The following NRG1 variants were observed in gnomAD, a reference collection of about 807,000 sequenced individuals.
NRG1 encodes neuregulin 1.
In NRG1, 18 loss-of-function variants were observed where a neutral mutation model predicts 63.8. That is an observed-to-expected ratio of 0.28 (90% confidence interval 0.19 to 0.42). The LOEUF (loss-of-function observed/expected upper bound fraction) is 0.42. NRG1 is among the 10% of genes least tolerant of loss of function. The probability of loss-of-function intolerance (pLI) is 1.00; values close to 1 mark genes in which losing one functional copy is unlikely to be tolerated. For synonymous variants in NRG1, 302 were observed against 301.3 expected, an observed-to-expected ratio of 1.00 and a Z score of -0.02; for missense variants, 762 against 814.7, an observed-to-expected ratio of 0.94 and a Z score of 0.79.
intron 1 of NRG1, among the ~76,000 whole-genome samples, chr8:32,412,421 TA>T (rs370265452): frequency 0.33 from 31,508 of 96,504 alleles, 5,107 homozygotes; most frequent in South Asian, 0.42. Context: ...TCTCTCTCTC[TA>T]CATATATATA....
At chr8:32,548,916 C>T (rs1833524294) in intron 1 of NRG1, 90 bp downstream of exon 1, 3 of 1,433,062 alleles carry the variant, frequency 2.1e-6, no homozygotes, top group African/African-American at 1.4e-5. Context: ...TCTCCCTCCC[C>T]CTCTCCCTCG....
intron 1 of NRG1, among the ~76,000 whole-genome samples, chr8:32,058,994 A>G (rs1336168868): frequency 1.3e-5 from 2 of 152,070 alleles, no homozygotes; most frequent in Non-Finnish European, 2.9e-5. Flanking sequence ...AAGTAGAACA[A>G]TAAACAGTAT....
intron 1 of NRG1, among the ~76,000 whole-genome samples, chr8:32,488,579 C>T (rs1826172402): frequency 6.6e-6 from 1 of 151,954 alleles, no homozygotes; most frequent in South Asian, 2.1e-4. Context: ...AGTCAGAGAC[C>T]AGCTTGGGCA....
intron 6 of NRG1, chr8:32,728,703 G>T (rs189570952): frequency 1.0e-6 from 1 of 955,582 alleles, no homozygotes; most frequent in Non-Finnish European, 1.2e-6. Context: ...TCTTTCATTT[G>T]TCTATAGATA....
intron 1 of NRG1, among the ~76,000 whole-genome samples, chr8:31,844,237 C>T (rs1826463719): frequency 6.6e-6 from 1 of 152,138 alleles, no homozygotes; most frequent in Non-Finnish European, 1.5e-5. Context: ...TGTTTTGAAA[C>T]CTGCCCATCC....
chr8:32,295,158 A>G (rs1011125347), intron 1 of NRG1, among the ~76,000 whole-genome samples: 1 of 152,132 alleles, frequency 6.6e-6, no homozygotes, highest in Non-Finnish European at 1.5e-5. Flanking sequence ...TTAAGACAAA[A>G]TTTTCAGCAA....
chr8:32,714,055 C>T (rs1199019259), intron 5 of NRG1, among the ~76,000 whole-genome samples: 2 of 152,028 alleles, frequency 1.3e-5, no homozygotes, highest in Non-Finnish European at 2.9e-5. Flanking sequence ...AAACTCCTGA[C>T]CTCAAGTGAT....
intron 7 of NRG1, 126 bp from the exon 8 acceptor site, chr8:32,754,246 G>T: frequency 1.3e-6 from 1 of 775,374 alleles, no homozygotes; most frequent in African/African-American, 1.7e-5. Flanking sequence ...TAAACGTAAA[G>T]AATTGTCATG....
intron 1 of NRG1, among the ~76,000 whole-genome samples, chr8:31,829,472 C>G (rs970523440): frequency 6.6e-6 from 1 of 152,206 alleles, no homozygotes; most frequent in Non-Finnish European, 1.5e-5. Context: ...GGCAGATGGA[C>G]AGACCATATC....
intron 5 of NRG1, among the ~76,000 whole-genome samples, chr8:32,703,657 A>G (rs980113420): frequency 2.0e-5 from 3 of 152,238 alleles, no homozygotes; most frequent in Non-Finnish European, 4.4e-5. Flanking sequence ...TACCCATGAC[A>G]TGGCTTCTTT....
chr8:32,759,435 A>C, exon 10 of NRG1: 1 of 1,610,236 alleles, frequency 6.2e-7, no homozygotes, highest in South Asian at 1.1e-5. Context: ...TCCTAGCCAC[A>C]GGTATGAGAA....
At chr8:32,474,468 G>T in intron 1 of NRG1, among the ~76,000 whole-genome samples, 1 of 98,242 alleles carries the variant, frequency 1.0e-5, no homozygotes, top group South Asian at 3.1e-4. Context: ...CTCTGGTTCT[G>T]CCTTGGACTG....
rs1327314860 is a variant in NRG1, at chr8:32,280,696, T to TG, written c.38-315132_38-315131insG. Among the ~76,000 whole-genome samples the TG allele has an allele frequency of 2.4e-4, 31 of 131,676 alleles. 1 individual carries two copies. Among genetic ancestry groups the TG allele is most frequent in the African/African-American group, 7.7e-4 (27 of 35,058 alleles). The allele number at this position is 131,676 out of a possible 152,430, so 86.4% of individuals were successfully genotyped here. The stretch of plus-strand genomic sequence containing the variant: ...CTGAATTAGGTTTTTTTTTTGTTTT[T>TG]TTTTTTTTTTTTTTTTTTCAGATAA... On this transcript the variant is annotated intron_variant, in intron 1 of 10. Transcript: ENST00000519301.
chr8:32,417,738 G>T (rs1194873445), intron 1 of NRG1, among the ~76,000 whole-genome samples: 1 of 150,990 alleles, frequency 6.6e-6, no homozygotes, highest in African/African-American at 2.4e-5. Context: ...GGAGGGGGAG[G>T]GGGGGTGTGT....
At chr8:32,210,092 A>C (rs1007814234) in intron 1 of NRG1, among the ~76,000 whole-genome samples, 2 of 152,166 alleles carry the variant, frequency 1.3e-5, no homozygotes, top group Non-Finnish European at 2.9e-5. Context: ...ATTGGGGACT[A>C]AAGAAATTAT....
intron 1 of NRG1, among the ~76,000 whole-genome samples, chr8:31,890,884 G>A (rs1022650742): frequency 4.6e-5 from 7 of 152,154 alleles, no homozygotes; most frequent in Non-Finnish European, 1.0e-4. Flanking sequence ...ATGCTCAAGT[G>A]ATTTTTGACA....
At chr8:31,657,072 G>C (rs1053605557) in intron 1 of NRG1, among the ~76,000 whole-genome samples, 4 of 152,144 alleles carry the variant, frequency 2.6e-5, no homozygotes, top group African/African-American at 9.7e-5. Flanking sequence ...CCTTCTCATT[G>C]TCTAGGAAGC....
intron 1 of NRG1, among the ~76,000 whole-genome samples, chr8:32,169,312 A>G (rs1219908213): frequency 1.3e-5 from 2 of 152,320 alleles, no homozygotes; most frequent in East Asian, 3.9e-4. Context: ...ATTGGTTTTC[A>G]TAAAACTAGT....
intron 1 of NRG1, among the ~76,000 whole-genome samples, chr8:32,565,594 A>G (rs1305214848): frequency 6.6e-6 from 1 of 152,286 alleles, no homozygotes; most frequent in Non-Finnish European, 1.5e-5. Flanking sequence ...AAAACCATCC[A>G]TGAAGTTTTT....
Sources: allele counts gnomAD v4.1 joint callset (sites outside exome capture counted in the v4.1 genomes callset), GRCh38; gene constraint gnomAD v4.1.1; transcripts MANE v1.5; gene names NCBI Gene and HGNC (gene_info 2026-07-23, HGNC 2026-07-21).